The following GPRC5C variants were observed in gnomAD, a reference collection of about 807,000 sequenced individuals.
GPRC5C encodes G protein-coupled receptor family C group 5 member C.
A neutral mutation model predicts 31.4 loss-of-function variants in GPRC5C; 22 were observed. The observed-to-expected ratio is 0.70, with a 90% CI of 0.50 to 1.00. The LOEUF is 1.00. Ranked by LOEUF, GPRC5C falls within the 50% of genes least tolerant of loss-of-function variation. The pLI is 0.00. For synonymous variants in GPRC5C, 249 were observed against 257.5 expected, an observed-to-expected ratio of 0.97 and a Z score of 0.32; for missense variants, 557 against 597.2, an observed-to-expected ratio of 0.93 and a Z score of 0.70.
At chr17:74,436,701 C>A (rs1199360885) in intron 1 of GPRC5C, among the ~76,000 whole-genome samples, 1 of 152,170 alleles carries the variant, frequency 6.6e-6, no homozygotes, top group African/African-American at 2.4e-5. Flanking sequence ...CTAAACTGGG[C>A]CCTGGCCGAG....
chr17:74,448,806 A>T, downstream of GPRC5C: 1 of 1,119,578 alleles, frequency 8.9e-7, no homozygotes, highest in Non-Finnish European at 1.2e-6. Context: ...GAGTAGTTCT[A>T]CCGCCCCCTT....
At chr17:74,432,593 G>C (rs1260576601) in intron 1 of GPRC5C, 2 of 847,464 alleles carry the variant, frequency 2.4e-6, no homozygotes, top group African/African-American at 3.6e-5. Flanking sequence ...GTGGGCGAGG[G>C]CAGAGGCGGG....
chr17:74,433,995 T>A (rs1231133069), intron 1 of GPRC5C, among the ~76,000 whole-genome samples: 1 of 152,100 alleles, frequency 6.6e-6, no homozygotes, highest in Non-Finnish European at 1.5e-5. Flanking sequence ...CCTCTGAGCC[T>A]CTGAGCCCAC....
chr17:74,433,677 A>T (rs1598425518), intron 1 of GPRC5C: 5 of 1,599,044 alleles, frequency 3.1e-6, no homozygotes, highest in South Asian at 1.1e-5. Context: ...GAGGAAGGCA[A>T]GTGCTCTGTG....
chr17:74,438,230 T>C (rs2055468528), intron 1 of GPRC5C, among the ~76,000 whole-genome samples: 1 of 114,316 alleles, frequency 8.7e-6, no homozygotes, highest in Non-Finnish European at 1.6e-5. Flanking sequence ...TATATATATA[T>C]ATATATATAT....
At chr17:74,436,513 A>G (rs1280629230) in intron 1 of GPRC5C, among the ~76,000 whole-genome samples, 2 of 152,034 alleles carry the variant, frequency 1.3e-5, no homozygotes, top group Non-Finnish European at 2.9e-5. Context: ...CCTTAATCAT[A>G]TTCTTCCTTG....
In GPRC5C at chr17:74,443,759, G is replaced by A. The variant is rs758212001; in HGVS notation, c.1052-59G>A. The A allele has an allele frequency of 3.9e-5, 48 of 1,236,056 alleles. No individual in the cohort carries two copies. In the African/African-American group the frequency reaches 6.2e-4, roughly 16 times the overall value. The allele number at this position is 1,236,056 out of a possible 1,614,324, so 76.6% of individuals were successfully genotyped here. ...AGAGAGCCTTGCTTGGTTTGTGGGA[G>A]GTGGGGAAGGGAGCTGAGAGCCCTG... On this transcript the variant is annotated intron_variant, in intron 2 of 3. Transcript: ENST00000392627.
chr17:74,432,462 C>T (rs1366606728), intron 1 of GPRC5C: 2 of 1,078,714 alleles, frequency 1.9e-6, no homozygotes, highest in Non-Finnish European at 2.2e-6. Context: ...CGCCCGCCCC[C>T]CGCCTGGGGC....
intron 3 of GPRC5C, chr17:74,446,179 A>G (rs957984298): frequency 3.9e-5 from 6 of 151,966 alleles, no homozygotes; most frequent in African/African-American, 1.2e-4. Context: ...GGAGCCGGGC[A>G]TGGTGGCTCA....
intron 1 of GPRC5C, among the ~76,000 whole-genome samples, chr17:74,433,403 G>C (rs938205458): frequency 2.0e-5 from 3 of 152,124 alleles, no homozygotes; most frequent in South Asian, 4.1e-4. Context: ...GCAGGGGCAG[G>C]GGGATAGGGG....
intron 2 of GPRC5C, chr17:74,443,583 A>C (rs1344636519): frequency 3.0e-6 from 2 of 668,034 alleles, no homozygotes; most frequent in Admixed American, 4.1e-5. Context: ...AGGGAAGCTC[A>C]GCAGTGTTGT....
chr17:74,439,327 C>T (rs1286260805), intron 1 of GPRC5C, among the ~76,000 whole-genome samples: 1 of 152,180 alleles, frequency 6.6e-6, no homozygotes, highest in East Asian at 1.9e-4. Flanking sequence ...AGGGGCATAG[C>T]AGCTGACCTC....
intron 3 of GPRC5C, among the ~76,000 whole-genome samples, chr17:74,444,615 C>A (rs764719709): frequency 2.0e-5 from 3 of 152,174 alleles, no homozygotes; most frequent in Non-Finnish European, 4.4e-5. Context: ...CCCCTCCCCG[C>A]CCTCTCTGTG....
chr17:74,436,777 C>G (rs2055437627), intron 1 of GPRC5C, among the ~76,000 whole-genome samples: 1 of 152,186 alleles, frequency 6.6e-6, no homozygotes, highest in Non-Finnish European at 1.5e-5. Flanking sequence ...TCTGAGGGTT[C>G]TCTTCCCTAC....
chr17:74,433,785 G>C (rs1208237300), intron 1 of GPRC5C: 14 of 1,549,668 alleles, frequency 9.0e-6, no homozygotes, highest in Non-Finnish European at 1.2e-5. Flanking sequence ...TTGGCCCTGT[G>C]ACGCGCTGGA....
intron 1 of GPRC5C, chr17:74,432,484 C>A (rs1399667075): frequency 2.9e-6 from 3 of 1,046,990 alleles, no homozygotes; most frequent in Non-Finnish European, 3.4e-6. Context: ...GGAGTTGGCC[C>A]CAAACGCTGC....
intron 1 of GPRC5C, among the ~76,000 whole-genome samples, chr17:74,433,267 T>TGG (rs1273605156): frequency 6.6e-6 from 1 of 151,998 alleles, no homozygotes; most frequent in Non-Finnish European, 1.5e-5. Flanking sequence ...TCAACTGGAC[T>TGG]GGGGGAGGGA....
Position 74,446,219 on chromosome 17 carries a change from G to A in GPRC5C, c.1147-630G>A, listed in dbSNP as rs557060173. 287 of 152,138 alleles carry A rather than the reference G, an allele frequency of 1.9e-3. 2 individuals carry two copies. Among genetic ancestry groups the A allele is most frequent in the Admixed American group, 4.4e-3 (67 of 15,270 alleles). The allele number at this position is 152,138 out of a possible 1,614,324, so 9.4% of individuals were successfully genotyped here. A position where few individuals can be genotyped will look rare whatever the true frequency, so the allele number is the denominator to read the frequency against. ...TATAATCCCGGCACTTTGGGAAGCC[G>A]AGGCGGGTGGATCACGAGGTCAGGA... On this transcript the variant is annotated intron_variant, in intron 3 of 3. Transcript: ENST00000392627.
chr17:74,438,061 G>T (rs2144412808), intron 1 of GPRC5C, among the ~76,000 whole-genome samples: 2 of 150,520 alleles, frequency 1.3e-5, no homozygotes, highest in Middle Eastern at 3.4e-3. Context: ...TTTGGAAACA[G>T]TCTCGCTCTG....
Sources: allele counts gnomAD v4.1 joint callset (sites outside exome capture counted in the v4.1 genomes callset), GRCh38; gene constraint gnomAD v4.1.1; transcripts MANE v1.5; gene names NCBI Gene and HGNC (gene_info 2026-07-23, HGNC 2026-07-21).